PCDH11Y: variants seen among roughly 807,000 people sequenced by gnomAD.
The protein encoded by PCDH11Y is protocadherin 11 Y-linked.
For synonymous variants in PCDH11Y, 9 were observed against 83.6 expected, an observed-to-expected ratio of 0.11 and a Z score of 4.87; for missense variants, 12 against 224.8, an observed-to-expected ratio of 0.05 and a Z score of 6.05.
At chrY:5,519,322 G>A (rs1199241557) in intron 3 of PCDH11Y, among the ~76,000 whole-genome samples, 8 of 29,038 alleles carry the variant, frequency 2.8e-4, no homozygotes, top group East Asian at 9.1e-4. Context: ...CCCAGGAGGC[G>A]GAGCTTGCAG....
chrY:5,017,196 G>T (rs2052562137), intron 1 of PCDH11Y, among the ~76,000 whole-genome samples: 45 of 33,217 alleles, frequency 1.4e-3, no homozygotes, highest in African/African-American at 5.2e-3. Context: ...AAATGTAAAA[G>T]ATTTTCCTTG....
intron 3 of PCDH11Y, chrY:5,574,283 G>T: frequency 2.9e-6 from 1 of 342,077 alleles, no homozygotes; most frequent in Admixed American, 7.9e-5. Flanking sequence ...ACCTACCGCC[G>T]CCTGCTGGAA....
At chrY:5,290,623 A>C in intron 2 of PCDH11Y, among the ~76,000 whole-genome samples, 1 of 30,540 alleles carries the variant, frequency 3.3e-5, no homozygotes, top group Non-Finnish European at 7.8e-5. Context: ...TATTTTTGTA[A>C]GGTGAGAGAC....
intron 2 of PCDH11Y, among the ~76,000 whole-genome samples, chrY:5,345,894 C>G: frequency 3.0e-5 from 1 of 32,998 alleles, no homozygotes; most frequent in African/African-American, 1.2e-4. Flanking sequence ...AACTCCTGAA[C>G]TCAGGTGATC....
At chrY:5,399,279 G>T (rs1602919354) in intron 2 of PCDH11Y, among the ~76,000 whole-genome samples, 10 of 32,409 alleles carry the variant, frequency 3.1e-4, no homozygotes, top group African/African-American at 8.4e-4. Context: ...AATCACTGCA[G>T]ACAGAATACA....
intron 4 of PCDH11Y, among the ~76,000 whole-genome samples, chrY:5,621,468 G>A: frequency 3.1e-5 from 1 of 31,959 alleles, no homozygotes; most frequent in Non-Finnish European, 7.6e-5. Context: ...TGGCCATACC[G>A]TTCAAAGTAA....
At chrY:5,364,039 C>T (rs2053177866) in intron 2 of PCDH11Y, among the ~76,000 whole-genome samples, 27 of 29,315 alleles carry the variant, frequency 9.2e-4, no homozygotes, top group Admixed American at 4.7e-3. Flanking sequence ...GATGGGGTTT[C>T]GCCATGTTGA....
At chrY:5,699,884 T>C (rs1602961682) in intron 4 of PCDH11Y, among the ~76,000 whole-genome samples, 6 of 32,937 alleles carry the variant, frequency 1.8e-4, no homozygotes, top group African/African-American at 3.6e-4. Context: ...AAAGTATGAT[T>C]TCCCGAGTTT....
chrY:5,106,028 T>C (rs2052791820), downstream of PCDH11Y, among the ~76,000 whole-genome samples: 10 of 33,249 alleles, frequency 3.0e-4, no homozygotes, highest in Admixed American at 1.1e-3. Context: ...GAATTCACTT[T>C]TCACAGTAAG....
At chrY:5,043,761 A>G (rs1602845732) in intron 3 of PCDH11Y, among the ~76,000 whole-genome samples, 1 of 32,500 alleles carries the variant, frequency 3.1e-5, no homozygotes, top group Non-Finnish European at 7.6e-5. Flanking sequence ...TTGGTTGGTA[A>G]GCTATTGATT....
At chrY:5,529,785 A>C in intron 3 of PCDH11Y, among the ~76,000 whole-genome samples, 6 of 32,730 alleles carry the variant, frequency 1.8e-4, no homozygotes, top group African/African-American at 7.1e-4. Context: ...AACACAAAGA[A>C]ATGATAAATG....
At chrY:5,212,238 C>A (rs2052939602) in intron 2 of PCDH11Y, among the ~76,000 whole-genome samples, 1 of 30,915 alleles carries the variant, frequency 3.2e-5, no homozygotes, top group Non-Finnish European at 7.7e-5. Context: ...TGGAAACATT[C>A]ATTTTCATTT....
chrY:5,604,889 C>G, intron 4 of PCDH11Y, among the ~76,000 whole-genome samples: 1 of 32,491 alleles, frequency 3.1e-5, no homozygotes, highest in African/African-American at 1.2e-4. Flanking sequence ...TTTTTTTCCT[C>G]TCCTTACGCC....
chrY:5,340,756 A>G, intron 2 of PCDH11Y, among the ~76,000 whole-genome samples: 1 of 33,930 alleles, frequency 2.9e-5, no homozygotes, highest in African/African-American at 1.1e-4. Flanking sequence ...TTATTTTGGT[A>G]TTCATAGATC....
At chrY:5,296,421 A>G (rs1602900537) in intron 2 of PCDH11Y, among the ~76,000 whole-genome samples, 120 of 33,458 alleles carry the variant, frequency 3.6e-3, no homozygotes, top group African/African-American at 0.012. Flanking sequence ...TGTGGCCACT[A>G]CCACTGGGAC....
intron 2 of PCDH11Y, among the ~76,000 whole-genome samples, chrY:5,172,536 G>A: frequency 6.2e-5 from 2 of 32,439 alleles, no homozygotes; most frequent in African/African-American, 2.4e-4. Context: ...CTGAATAAGA[G>A]AGAGTATTTG....
intron 3 of PCDH11Y, among the ~76,000 whole-genome samples, chrY:5,520,467 C>G: frequency 3.2e-5 from 1 of 30,871 alleles, no homozygotes; most frequent in Non-Finnish European, 7.7e-5. Context: ...AGTTTAGTCC[C>G]TCCACTTCCA....
chrY:5,309,137 A>G, intron 2 of PCDH11Y, among the ~76,000 whole-genome samples: 2 of 33,198 alleles, frequency 6.0e-5, no homozygotes, highest in Non-Finnish European at 1.5e-4. Flanking sequence ...AAGATCAAAA[A>G]AGTTTACTTA....
At chrY:5,217,949 G>C in intron 2 of PCDH11Y, among the ~76,000 whole-genome samples, 4 of 33,659 alleles carry the variant, frequency 1.2e-4, no homozygotes, top group African/African-American at 2.3e-4. Flanking sequence ...CGGATGAACA[G>C]AAATTGGAAG....
Sources: gnomAD v4.1 joint callset for allele counts (sites outside exome capture counted in the v4.1 genomes callset) on GRCh38, gnomAD v4.1.1 for gene constraint, MANE v1.5 for transcripts, NCBI Gene and HGNC (gene_info 2026-07-23, HGNC 2026-07-21) for gene names.